Variants in FGF14 observed in about 807,000 individuals in gnomAD.
FGF14 encodes fibroblast growth factor 14.
In FGF14, 5 loss-of-function variants were observed where a neutral mutation model predicts 25.5. That is an observed-to-expected ratio of 0.20 (90% CI 0.10 to 0.41). The LOEUF is 0.41. Among genes scored for constraint, FGF14 ranks in the 10% least tolerant of loss-of-function variants. FGF14 has a pLI of 1.00. For missense variants in FGF14, 222 were observed against 320.1 expected (o/e 0.69, Z 2.34); for synonymous variants, 138 against 118.3 (o/e 1.17, Z -1.08).
rs1033430736 is a variant in FGF14, at chr13:101,713,356, A to G, written c.*9475T>C. 1 of 152,176 alleles carries G rather than the reference A, an allele frequency of 6.6e-6. No individual in the cohort carries two copies. The highest frequency in any genetic ancestry group is 2.4e-5 in the African/African-American group (1 of 41,442). The allele number at this position is 152,176 out of a possible 1,614,324, so 9.4% of individuals were successfully genotyped here. ...TGATTGATTCTTGCCCCTTTTCAAT[A>G]TATTTTGAACTTACCAATTCTGCAG... On this transcript the variant is annotated 3_prime_UTR_variant, in exon 5 of 5. Coordinates refer to ENST00000376143, the MANE Select transcript of FGF14 (RefSeq NM_004115.4).
intron 3 of FGF14, among the ~76,000 whole-genome samples, chr13:101,832,006 G>GA (rs1045868811): frequency 2.0e-5 from 3 of 151,834 alleles, no homozygotes; most frequent in Admixed American, 1.3e-4. Context: ...TACGTTATTA[G>GA]AAAAAAAAGT....
chr13:102,200,396 A>C (rs1334104210), intron 1 of FGF14, among the ~76,000 whole-genome samples: 1 of 152,188 alleles, frequency 6.6e-6, no homozygotes, highest in Admixed American at 6.5e-5. Flanking sequence ...TTTTATTCCT[A>C]AAGGACAGCA....
At chr13:102,335,737 C>T (rs2056771307) in intron 1 of FGF14, among the ~76,000 whole-genome samples, 1 of 152,152 alleles carries the variant, frequency 6.6e-6, no homozygotes, top group African/African-American at 2.4e-5. Flanking sequence ...GGTTTGTGGA[C>T]TCTGTGTTGC....
chr13:102,086,486 A>C (rs143110388), intron 1 of FGF14, among the ~76,000 whole-genome samples: 2,214 of 152,176 alleles, frequency 0.015, 19 homozygotes, highest in Non-Finnish European at 0.022. Flanking sequence ...GCCGAGATCG[A>C]GCCACTGCAC....
At chr13:101,738,366 A>G (rs1259917991) in intron 3 of FGF14, among the ~76,000 whole-genome samples, 3 of 152,220 alleles carry the variant, frequency 2.0e-5, no homozygotes, top group African/African-American at 7.2e-5. Context: ...TAAGCATCTG[A>G]TAAGAATCAG....
At chr13:102,128,044 C>T (rs182385549) in intron 1 of FGF14, among the ~76,000 whole-genome samples, 88 of 151,246 alleles carry the variant, frequency 5.8e-4, no homozygotes, top group Admixed American at 1.5e-3. Context: ...CCCCAGCTCT[C>T]ACAGAGAGGC....
At chr13:101,863,520 G>T (rs2044535618) in intron 3 of FGF14, among the ~76,000 whole-genome samples, 1 of 152,170 alleles carries the variant, frequency 6.6e-6, no homozygotes, top group African/African-American at 2.4e-5. Flanking sequence ...TGAGTAAATA[G>T]TGAACATTTT....
At chr13:102,237,528 C>A (rs1218765879) in intron 1 of FGF14, among the ~76,000 whole-genome samples, 1 of 149,150 alleles carries the variant, frequency 6.7e-6, no homozygotes, top group Non-Finnish European at 1.5e-5. Flanking sequence ...AACCCTGTTT[C>A]AGCAGAAGGA....
intron 3 of FGF14, among the ~76,000 whole-genome samples, chr13:101,737,364 G>A (rs1228994054): frequency 6.6e-6 from 1 of 152,106 alleles, no homozygotes; most frequent in Non-Finnish European, 1.5e-5. Context: ...CAACGAAAAA[G>A]TGATATGATC....
At chr13:102,041,952 C>A (rs1423075137) in intron 1 of FGF14, among the ~76,000 whole-genome samples, 1 of 152,158 alleles carries the variant, frequency 6.6e-6, no homozygotes, top group Non-Finnish European at 1.5e-5. Context: ...GAATGCACAT[C>A]TTAACACTGT....
intron 3 of FGF14, among the ~76,000 whole-genome samples, chr13:101,798,809 GTGTT>G (rs2140126205): frequency 6.6e-6 from 1 of 152,154 alleles, no homozygotes; most frequent in African/African-American, 2.4e-5. Flanking sequence ...GTATTTGTGA[GTGTT>G]TGTGTGTATA....
At chr13:102,097,492 T>A (rs2044457529) in intron 1 of FGF14, among the ~76,000 whole-genome samples, 1 of 152,180 alleles carries the variant, frequency 6.6e-6, no homozygotes, top group African/African-American at 2.4e-5. Context: ...CCTTCCCTTT[T>A]AACAGGCAGC....
intron 1 of FGF14, among the ~76,000 whole-genome samples, chr13:102,287,398 A>G (rs974315140): frequency 2.0e-5 from 3 of 152,216 alleles, no homozygotes; most frequent in Admixed American, 6.5e-5. Context: ...CACTATGAAC[A>G]TATCTGTTTC....
chr13:102,137,336 A>G (rs1316351395), intron 1 of FGF14, among the ~76,000 whole-genome samples: 1 of 152,234 alleles, frequency 6.6e-6, no homozygotes, highest in African/African-American at 2.4e-5. Context: ...AACTTATCTC[A>G]TAGAGATATA....
intron 1 of FGF14, among the ~76,000 whole-genome samples, chr13:101,978,799 G>C (rs565366518): frequency 6.6e-6 from 1 of 152,300 alleles, no homozygotes; most frequent in Non-Finnish European, 1.5e-5. Context: ...AAGCATGACA[G>C]TACCTTTGAT....
chr13:102,008,741 A>C (rs2039933285), intron 1 of FGF14, among the ~76,000 whole-genome samples: 1 of 152,160 alleles, frequency 6.6e-6, no homozygotes, highest in Non-Finnish European at 1.5e-5. Context: ...GTTCTCTTGA[A>C]CTTGTTACGG....
At chr13:101,896,290 G>A (rs1261785405) in intron 1 of FGF14, among the ~76,000 whole-genome samples, 2 of 152,122 alleles carry the variant, frequency 1.3e-5, no homozygotes, top group Non-Finnish European at 2.9e-5. Context: ...ACCAAGGACA[G>A]TTTCAGATGA....
intron 3 of FGF14, among the ~76,000 whole-genome samples, chr13:101,763,823 G>A (rs977789417): frequency 6.6e-6 from 1 of 152,098 alleles, no homozygotes; most frequent in African/African-American, 2.4e-5. Context: ...TTGCACCACT[G>A]CACTCCAGCC....
chr13:102,272,359 G>A lies in FGF14; in HGVS notation c.208+129112C>T, dbSNP rs540846327. On this transcript the variant is annotated intron_variant, in intron 1 of 4. Coordinates refer to the FGF14 transcript ENST00000376131. ...TTACTTCATGCATTTCTTACTCTTT[G>A]TTTATTTGACTTTTTTGCTTAAAAA... Among the ~76,000 whole-genome samples the A allele has an allele frequency of 2.6e-5, 4 of 151,996 alleles. No individual in the cohort carries two copies. In the South Asian group the frequency reaches 6.2e-4, roughly 24 times the overall value.
Sources: allele counts gnomAD v4.1 joint callset (sites outside exome capture counted in the v4.1 genomes callset), GRCh38; gene constraint gnomAD v4.1.1; transcripts MANE v1.5; gene names NCBI Gene and HGNC (gene_info 2026-07-23, HGNC 2026-07-21).